The following PTPN7 variants were observed in gnomAD, a reference collection of about 807,000 sequenced individuals.
The protein encoded by PTPN7 is protein tyrosine phosphatase non-receptor type 7, also known as tyrosine-protein phosphatase non-receptor type 7.
A neutral mutation model predicts 50.3 loss-of-function variants in PTPN7; 33 were observed. The ratio of observed to expected loss-of-function variants is 0.66; its 90% CI spans 0.50 to 0.88. PTPN7 has a LOEUF of 0.88. Among genes scored for constraint, PTPN7 ranks in the 40% least tolerant of loss-of-function variants. The pLI is 0.00. For missense variants in PTPN7, 412 were observed against 475.4 expected (o/e 0.87, Z 1.24); for synonymous variants, 185 against 186.6 (o/e 0.99, Z 0.07).
Position 202,159,470 on chromosome 1 carries a change from C to T in PTPN7, c.-52-16G>A, listed in dbSNP as rs750069238. The T allele has an allele frequency of 1.2e-6, 2 of 1,607,638 alleles. No homozygotes were observed. Among genetic ancestry groups the T allele is most frequent in the Non-Finnish European group, 8.5e-7 (1 of 1,175,096 alleles). The stretch of plus-strand genomic sequence containing the variant: ...TGAGGTCTGCCTGAAAGACAGGGCC[C>T]TCCGCTGCTGTTCTCTGGCCTGCCT... On this transcript the variant is annotated splice_polypyrimidine_tract_variant and intron_variant, in intron 1 of 9. Transcript: ENST00000691036. This position sits in a 1 kb window ranked among gnomAD's most constrained non-coding sequence, Gnocchi z 4.6.
At chr1:202,160,707 T>A, upstream of PTPN7, 1 of 1,550,470 alleles carries the variant, frequency 6.4e-7, no homozygotes, top group Non-Finnish European at 8.7e-7. The surrounding 1 kb of genome is among the most constrained non-coding windows in gnomAD (Gnocchi z 4.8). Flanking sequence ...CTGTGCCTGC[T>A]GCCGCTGCCA....
chr1:202,154,266 C>T lies in PTPN7; in HGVS notation c.526G>A (p.Val176Met). 1.2e-6 allele frequency: 2 copies of T among 1,614,126 alleles called. No individual in the cohort carries two copies. The highest frequency in any genetic ancestry group is 2.2e-5 in the East Asian group (1 of 44,882). ...CACACCATCTCCCAGAAGTCCGACA[C>T]AGTGTTGGGCATGGGGCCCTGGGTG... ...IATQGPMPNT[V>M]SDFWEMVWQE... The change falls in exon 6 of 10, where the codon GTG becomes ATG. Residue 176 changes from valine to methionine, a missense_variant. Coordinates refer to ENST00000691036, the MANE Select transcript of PTPN7 (RefSeq NM_002832.4).
At chr1:202,149,029 T>C (rs1655641330) in intron 9 of PTPN7, among the ~76,000 whole-genome samples, 1 of 151,968 alleles carries the variant, frequency 6.6e-6, no homozygotes, top group South Asian at 2.1e-4. Flanking sequence ...CTAATTTTTG[T>C]ATTTTTAGTA....
rs1657035257 is a variant in PTPN7, at chr1:202,159,167, C to G, written c.122+114G>C. 1 of 1,038,460 alleles carries G rather than the reference C, an allele frequency of 9.6e-7. No individual in the cohort carries two copies. Among genetic ancestry groups the G allele is most frequent in the Non-Finnish European group, 1.4e-6 (1 of 693,556 alleles). 64.3% of individuals were successfully genotyped at this position (1,038,460 alleles called of 1,614,324 possible). A position where few individuals can be genotyped will look rare whatever the true frequency, so the allele number is the denominator to read the frequency against. On this transcript the variant is annotated intron_variant, in intron 2 of 9. Coordinates refer to ENST00000691036, the MANE Select transcript of PTPN7 (RefSeq NM_002832.4). The surrounding 1 kb of genome is among the most constrained non-coding windows in gnomAD (Gnocchi z 4.6). ...GGTTTCCTTTCCAAATTGGAGTCAA[C>G]AACTGAGGGCCCTCTGGACCCTGCT... is the stretch of plus-strand genomic sequence containing the variant.
rs116072723 is a variant in PTPN7, at chr1:202,160,456, G to A, written c.-53+89C>T. 306 of 1,336,984 alleles carry A rather than the reference G, an allele frequency of 2.3e-4. 1 individual carries two copies. In the African/African-American group the frequency reaches 2.8e-3, roughly 12 times the overall value. The allele number at this position is 1,336,984 out of a possible 1,614,324, so 82.8% of individuals were successfully genotyped here. ...ACTGTGGCGCCCCACTCGCCCTCCC[G>A]CACTCCCTCCTAGAGATGCCCTCTT... On this transcript the variant is annotated intron_variant, in intron 1 of 9. Coordinates refer to ENST00000691036, the MANE Select transcript of PTPN7 (RefSeq NM_002832.4). The surrounding 1 kb of genome is among the most constrained non-coding windows in gnomAD (Gnocchi z 4.8).
intron 6 of PTPN7, 24 bp downstream of exon 6, chr1:202,154,162 A>G: frequency 6.2e-6 from 10 of 1,613,534 alleles, no homozygotes; most frequent in Non-Finnish European, 7.6e-6. Flanking sequence ...TGGGTTCATC[A>G]TGAACTGTGG....
At chr1:202,158,926 G>A in intron 2 of PTPN7, 1 of 251,918 alleles carries the variant, frequency 4.0e-6, no homozygotes, top group Non-Finnish European at 7.8e-6. Flanking sequence ...GCCTGGCTCA[G>A]CCCTCTCCCT....
At position 202,153,928 on chromosome 1, in the gene PTPN7, C is replaced by A. The variant is rs1656342734; in HGVS notation, c.607-93G>T. On this transcript the variant is annotated intron_variant, in intron 6 of 9. Transcript: ENST00000691036. ...GCTGGTATCTCCTCCCCATCCTCCA[C>A]CCCTACTGGATGGGAGGTCAGCAAC... 3.6e-6 allele frequency: 4 copies of A among 1,124,668 alleles called. No individual in the cohort carries two copies. The Admixed American group carries it at 7.1e-5, about 20-fold the overall frequency. The allele number at this position is 1,124,668 out of a possible 1,614,324, so 69.7% of individuals were successfully genotyped here.
chr1:202,158,336 C>A (rs1191649093), intron 2 of PTPN7, 35 bp from the exon 3 acceptor site: 2 of 1,599,018 alleles, frequency 1.3e-6, no homozygotes, highest in East Asian at 4.5e-5. Context: ...TAGTGAGCAC[C>A]CAATCATATT....
Position 202,159,322 on chromosome 1 carries a change from A to G in PTPN7, c.81T>C (p.Pro27=). ...SLGAAMTQPP[P]EKTPAKKHVR... is the part of the protein sequence containing the mutation. ...CATGCTTCTTGGCTGGCGTTTTTTC[A>G]GGCGGAGGCTGGGTCATGGCTGCCC... The change falls in exon 2 of 10, where the codon CCT becomes CCC. Residue 27 remains proline, a synonymous_variant. Transcript: ENST00000691036. This position sits in a 1 kb window ranked among gnomAD's most constrained non-coding sequence, Gnocchi z 4.6. 2.5e-6 allele frequency: 4 copies of G among 1,614,082 alleles called. No homozygotes were observed. In the South Asian group the frequency reaches 4.4e-5, roughly 18 times the overall value.
Position 202,159,410 on chromosome 1 carries a change from T to C in PTPN7, c.-8A>G. ...CCCATGGGCTTGGACCATGCTGAGG[T>C]GGGGTGCTGGGCCCAGGGGAGGCTC... On this transcript the variant is annotated 5_prime_UTR_variant, in exon 2 of 10. Transcript: ENST00000691036. This position sits in a 1 kb window ranked among gnomAD's most constrained non-coding sequence, Gnocchi z 4.6. 1 of 1,613,930 alleles carries C rather than the reference T, an allele frequency of 6.2e-7. No homozygotes were observed.
chr1:202,161,166 C>T (rs1657338040), upstream of PTPN7: 6 of 1,160,886 alleles, frequency 5.2e-6, no homozygotes, highest in African/African-American at 7.8e-5. Context: ...GAATCCATGC[C>T]TCACAATGTG....
Position 202,148,551 on chromosome 1 carries a change from C to T in PTPN7, c.*55G>A, listed in dbSNP as rs1402014683. ...TCACTCGGCCCACTTTCCCCAGACC[C>T]ACCTTCCCAGGCTTGAGGGAGGTAG... On this transcript the variant is annotated 3_prime_UTR_variant, in exon 10 of 10. Coordinates refer to ENST00000691036, the MANE Select transcript of PTPN7 (RefSeq NM_002832.4). 6.5e-7 allele frequency: 1 copy of T among 1,530,582 alleles called. No homozygotes were observed. Among genetic ancestry groups the T allele is most frequent in the East Asian group, 2.3e-5 (1 of 44,252 alleles). 94.8% of individuals were successfully genotyped at this position (1,530,582 alleles called of 1,614,324 possible).
In PTPN7 at chr1:202,155,891, C is replaced by A. The variant is rs147239213; in HGVS notation, c.392-282G>T. Among the ~76,000 whole-genome samples the A allele has an allele frequency of 5.3e-5, 8 of 152,304 alleles. No individual in the cohort carries two copies. In the East Asian group the frequency reaches 1.5e-3, roughly 29 times the overall value. On this transcript the variant is annotated intron_variant, in intron 4 of 9. Coordinates refer to ENST00000691036, the MANE Select transcript of PTPN7 (RefSeq NM_002832.4). ...ACTTTTGTCTCAGCCTTTGACATAG[C>A]TGGGACTATAGGCAAATGCCACCAC...
At chr1:202,152,846 C>T in intron 7 of PTPN7, 147 bp from the exon 8 acceptor site, 1 of 843,092 alleles carries the variant, frequency 1.2e-6, no homozygotes, top group South Asian at 1.8e-5. Flanking sequence ...TTTTCGTGCT[C>T]ATTGTTCTCC....
At chr1:202,160,604 T>C, upstream of PTPN7, 1 of 1,550,526 alleles carries the variant, frequency 6.4e-7, no homozygotes, top group Non-Finnish European at 8.7e-7. The surrounding 1 kb of genome is among the most constrained non-coding windows in gnomAD (Gnocchi z 4.8). Flanking sequence ...TGTCGGTCTG[T>C]CTTTGAGGGC....
rs80162866 is a variant in PTPN7 at position 202,148,767 on chromosome 1, A to C, written c.990-68T>G. On this transcript the variant is annotated intron_variant, in intron 9 of 9. Transcript: ENST00000691036. ...GGTGCTGGCTGAATGGCTCCAGTCA[A>C]ACATCCCTGTGGTCCTACTGGGAAA... The C allele has an allele frequency of 4.1e-3, 5,609 of 1,367,810 alleles. 183 individuals are homozygous for C. The African/African-American group carries it at 0.073, about 18-fold the overall frequency. 84.7% of individuals were successfully genotyped at this position (1,367,810 alleles called of 1,614,324 possible).
chr1:202,149,988 G>A (rs1655774858), intron 9 of PTPN7: 1 of 207,888 alleles, frequency 4.8e-6, no homozygotes, highest in Non-Finnish European at 1.0e-5. Flanking sequence ...GCCCGCACCA[G>A]GCCTGGCTAA....
rs1657021008 is a variant in PTPN7, at chr1:202,159,045, A to G, written c.122+236T>C. On this transcript the variant is annotated intron_variant, in intron 2 of 9. Coordinates refer to ENST00000691036, the MANE Select transcript of PTPN7 (RefSeq NM_002832.4). This position sits in a 1 kb window ranked among gnomAD's most constrained non-coding sequence, Gnocchi z 4.6. ...CTCCGACATGCATCCAGCACCAAGAAGGCTGTGGGCCTTGCCTGGAATTTA... is the reference window on the plus strand; with the variant it reads ...CTCCGACATGCATCCAGCACCAAGAGGGCTGTGGGCCTTGCCTGGAATTTA... 4 of 548,638 alleles carry G rather than the reference A, an allele frequency of 7.3e-6. No homozygotes were observed. Among genetic ancestry groups the G allele is most frequent in the Non-Finnish European group, 1.3e-5 (4 of 306,528 alleles). The allele number at this position is 548,638 out of a possible 1,614,324, so 34.0% of individuals were successfully genotyped here.
Sources: allele counts gnomAD v4.1 joint callset (sites outside exome capture counted in the v4.1 genomes callset), GRCh38; gene constraint gnomAD v4.1.1; non-coding constraint Gnocchi (gnomAD v3.1); transcripts MANE v1.5; gene names NCBI Gene and HGNC (gene_info 2026-07-23, HGNC 2026-07-21).